Variants in FAAH2 observed in about 807,000 individuals in gnomAD.
FAAH2 encodes the protein fatty-acid amide hydrolase 2.
In FAAH2, 60 loss-of-function variants were observed where a neutral mutation model predicts 36.9. The observed-to-expected ratio is 1.63, with a 90% confidence interval of 1.32 to 2.02. The LOEUF is 2.02. FAAH2 is among the 30% of genes most tolerant of loss of function. The pLI, the probability that FAAH2 is intolerant of heterozygous loss-of-function variation, is 0.00. For missense variants in FAAH2, 689 were observed against 397.5 expected, an observed-to-expected ratio of 1.73 and a Z score of -6.23; for synonymous variants, 214 against 143.8, an observed-to-expected ratio of 1.49 and a Z score of -3.49.
chrX:57,339,446 CAAAAT>C (rs1351610523), intron 4 of FAAH2, among the ~76,000 whole-genome samples: 1 of 111,902 alleles, frequency 8.9e-6, no homozygotes, highest in Non-Finnish European at 1.9e-5. Flanking sequence ...CTCTGCAAAG[CAAAAT>C]AAACTATCAT....
chrX:57,234,155 A>AT, the FAAH2 span, among the ~76,000 whole-genome samples: 1 of 112,261 alleles, frequency 8.9e-6, no homozygotes, highest in Admixed American at 9.4e-5. Context: ...TTATTTATTT[A>AT]TTTTTTTAAA....
At position 57,452,094 on chromosome X, in the gene FAAH2, G is replaced by T. The variant is rs751535320; in HGVS notation, c.1423+3376G>T. The T allele has an allele frequency of 9.2e-6, 6 of 653,119 alleles. No homozygotes were observed. The South Asian group carries it at 4.0e-4, about 44-fold the overall frequency. 53.8% of individuals were successfully genotyped at this position (653,119 alleles called of 1,213,427 possible). ...ATGGAAGGAAACAGCTTACAAAAGT[G>T]GCCTTTCACTGGCTTTCTCCCCTCT... is the stretch of plus-strand genomic sequence containing the variant. On this transcript the variant is annotated intron_variant, in intron 10 of 10. Transcript: ENST00000374900.
intron 5 of FAAH2, among the ~76,000 whole-genome samples, chrX:57,376,037 C>A (rs930485508): frequency 8.1e-5 from 9 of 111,242 alleles, no homozygotes; most frequent in Non-Finnish European, 1.5e-4. Context: ...AATCAGGTAA[C>A]AGCAACAAGA....
intron 8 of FAAH2, among the ~76,000 whole-genome samples, chrX:57,438,679 C>A (rs1386922276): frequency 9.2e-6 from 1 of 109,070 alleles, no homozygotes; most frequent in East Asian, 2.9e-4. Context: ...TATACATGTG[C>A]CATGTTGGTG....
At chrX:57,393,911 T>C in intron 7 of FAAH2, 1 of 1,034,128 alleles carries the variant, frequency 9.7e-7, no homozygotes, top group Non-Finnish European at 1.4e-6. Context: ...TATCTCTTCA[T>C]CTGTCAGTGT....
chrX:57,353,851 T>C (rs1446338376), intron 5 of FAAH2, among the ~76,000 whole-genome samples: 1 of 111,017 alleles, frequency 9.0e-6, no homozygotes. Context: ...TGAAAAACGC[T>C]CAGTATCACT....
chrX:57,346,436 C>G (rs1166060311), intron 5 of FAAH2, among the ~76,000 whole-genome samples: 1 of 111,845 alleles, frequency 8.9e-6, no homozygotes, highest in Non-Finnish European at 1.9e-5. Context: ...AAAAAGATAG[C>G]AACTCCTGCT....
the FAAH2 span, among the ~76,000 whole-genome samples, chrX:57,261,196 T>C: frequency 1.8e-5 from 2 of 111,663 alleles, no homozygotes; most frequent in Non-Finnish European, 3.8e-5. Context: ...GGGATTCTAA[T>C]GAGCAATTAA....
chrX:57,483,234 T>C (rs1481136008), intron 10 of FAAH2, among the ~76,000 whole-genome samples: 1 of 111,649 alleles, frequency 9.0e-6, no homozygotes, highest in Non-Finnish European at 1.9e-5. Context: ...TTTATTTTTG[T>C]CTGACCAGTT....
At chrX:57,336,702 A>T (rs2053560464) in intron 4 of FAAH2, among the ~76,000 whole-genome samples, 1 of 112,066 alleles carries the variant, frequency 8.9e-6, no homozygotes, top group East Asian at 2.8e-4. Flanking sequence ...AACTAATGAG[A>T]ACAAAGACAC....
chrX:57,430,254 G>T (rs899707152), intron 7 of FAAH2, among the ~76,000 whole-genome samples: 2 of 111,774 alleles, frequency 1.8e-5, no homozygotes, highest in Non-Finnish European at 1.9e-5. Flanking sequence ...GTAGACTATA[G>T]TGTCATTTTA....
the FAAH2 span, among the ~76,000 whole-genome samples, chrX:57,234,218 C>T: frequency 1.8e-5 from 2 of 111,484 alleles, no homozygotes; most frequent in South Asian, 7.5e-4. Flanking sequence ...TTTCTGACTA[C>T]TTTCTTCAAA....
chrX:57,409,878 T>A (rs770095964), intron 7 of FAAH2, among the ~76,000 whole-genome samples: 9 of 111,031 alleles, frequency 8.1e-5, no homozygotes, highest in Admixed American at 4.8e-4. Flanking sequence ...TATTACATTA[T>A]TTCTACTCTG....
chrX:57,346,473 G>A (rs1187814172), intron 5 of FAAH2, among the ~76,000 whole-genome samples: 2 of 111,908 alleles, frequency 1.8e-5, no homozygotes, highest in Middle Eastern at 4.6e-3. Flanking sequence ...TGCATGGTAA[G>A]TTTTTCTCCA....
chrX:57,411,993 T>C (rs1015714181), intron 7 of FAAH2, among the ~76,000 whole-genome samples: 1 of 112,208 alleles, frequency 8.9e-6, no homozygotes, highest in Non-Finnish European at 1.9e-5. Context: ...TACATACTAG[T>C]TGTACATATT....
the FAAH2 span, among the ~76,000 whole-genome samples, chrX:57,168,214 G>C: frequency 9.1e-6 from 1 of 110,331 alleles, no homozygotes; most frequent in Non-Finnish European, 1.9e-5. Flanking sequence ...GTCTCATCTT[G>C]TATATTCTAT....
chrX:57,231,369 T>G, the FAAH2 span, among the ~76,000 whole-genome samples: 1 of 111,094 alleles, frequency 9.0e-6, no homozygotes, highest in African/African-American at 3.3e-5. Context: ...CAAATATTCC[T>G]TTCCCCCAGA....
the FAAH2 span, among the ~76,000 whole-genome samples, chrX:57,274,138 G>T: frequency 8.9e-6 from 1 of 111,930 alleles, no homozygotes; most frequent in Non-Finnish European, 1.9e-5. Flanking sequence ...AATGCCTCTA[G>T]CAAATAAACT....
the FAAH2 span, among the ~76,000 whole-genome samples, chrX:57,268,333 C>A: frequency 4.1e-4 from 45 of 110,782 alleles, no homozygotes; most frequent in Non-Finnish European, 6.8e-4. Flanking sequence ...TATAACCCCC[C>A]AAAAAAAATG....
Sources: allele counts gnomAD v4.1 joint callset (sites outside exome capture counted in the v4.1 genomes callset), GRCh38; gene constraint gnomAD v4.1.1; transcripts MANE v1.5; gene names NCBI Gene and HGNC (gene_info 2026-07-23, HGNC 2026-07-21).